CD2AP: variants seen among roughly 807,000 people sequenced by gnomAD.
The protein encoded by CD2AP is CD2 associated protein.
In CD2AP, 46 loss-of-function variants were observed where a neutral mutation model predicts 85.1. The observed-to-expected ratio is 0.54, with a 90% CI of 0.43 to 0.69. The LOEUF (loss-of-function observed/expected upper bound fraction) is 0.69. Among genes scored for constraint, CD2AP ranks in the 30% least tolerant of loss-of-function variants. The pLI, the probability that CD2AP is intolerant of heterozygous loss-of-function variation, is 0.00. For synonymous variants in CD2AP, 255 were observed against 252.9 expected (o/e 1.01, Z -0.08); for missense variants, 769 against 729.5 (o/e 1.05, Z -0.62).
Position 47,608,016 on chromosome 6 carries a change from C to T in CD2AP, c.1620C>T (p.Cys540=), listed in dbSNP as rs1196832213. 2.5e-6 allele frequency: 4 copies of T among 1,610,028 alleles called. No homozygotes were observed. The East Asian group carries it at 8.9e-5, about 36-fold the overall frequency. Residue 540 remains cysteine, a synonymous_variant, in exon 15 of 18, where the codon TGC becomes TGT. Coordinates refer to ENST00000359314, the MANE Select transcript of CD2AP (RefSeq NM_012120.3). ...CATCTGAATTAAAAAAAGATACATG[C>T]TACTCTCCAAAGGTGAGGTGCATTG... ...LKPSELKKDT[C]YSPKPSVYLS... is the part of the protein sequence containing the mutation.
chr6:47,545,361 G>A (rs1161745920), intron 4 of CD2AP, among the ~76,000 whole-genome samples: 1 of 152,156 alleles, frequency 6.6e-6, no homozygotes, highest in African/African-American at 2.4e-5. Flanking sequence ...CACCCAAGGA[G>A]AGTCTGAGAT....
At chr6:47,590,240 A>G (rs984759433) in intron 11 of CD2AP, among the ~76,000 whole-genome samples, 1 of 152,098 alleles carries the variant, frequency 6.6e-6, no homozygotes, top group African/African-American at 2.4e-5. Context: ...AGAAGTAATA[A>G]AAGATGGGGT....
rs190335450 is a variant in CD2AP, at chr6:47,545,542, A to G, written c.420+836A>G. Among the ~76,000 whole-genome samples, 180 of 152,278 alleles carry G rather than the reference A, an allele frequency of 1.2e-3. 2 individuals carry two copies. Among genetic ancestry groups the G allele is most frequent in the African/African-American group, 4.1e-3 (172 of 41,554 alleles). ...AGTGCCATCTCCCAGCAGGAGACCA[A>G]CCAGCACAAAAATAGTGCATTAAAC... On this transcript the variant is annotated intron_variant, in intron 4 of 17. Coordinates refer to ENST00000359314, the MANE Select transcript of CD2AP (RefSeq NM_012120.3).
At chr6:47,517,162 A>G (rs1449810813) in intron 2 of CD2AP, among the ~76,000 whole-genome samples, 2 of 151,970 alleles carry the variant, frequency 1.3e-5, no homozygotes, top group African/African-American at 2.4e-5. Flanking sequence ...TGCTCTCACT[A>G]TGTGATGCGC....
chr6:47,576,977 G>A (rs777410748), intron 7 of CD2AP, 32 bp from the exon 8 acceptor site: 4 of 1,102,712 alleles, frequency 3.6e-6, no homozygotes, highest in Non-Finnish European at 4.2e-6. Context: ...ATCCATTTGT[G>A]TGAGCCACAT....
Position 47,582,037 on chromosome 6 carries a change from A to C in CD2AP, c.1080A>C (p.Lys360Asn), listed in dbSNP as rs777122961. 4.4e-6 allele frequency: 7 copies of C among 1,608,386 alleles called. No homozygotes were observed. Among genetic ancestry groups the C allele is most frequent in the Non-Finnish European group, 6.0e-6 (7 of 1,174,964 alleles). Residue 360 changes from lysine to asparagine, a missense_variant, in exon 11 of 18, where the codon AAA becomes AAC. Transcript: ENST00000359314. ...CTGAACTGATAGCTGCAGAGAAGAA[A>C]TATTTTTCTTTAAAGCCTGAAGAAA... ...PKPELIAAEK[K>N]YFSLKPEEKD...
chr6:47,535,341 A>G (rs537076633), intron 3 of CD2AP, among the ~76,000 whole-genome samples: 7 of 152,318 alleles, frequency 4.6e-5, no homozygotes, highest in African/African-American at 1.7e-4. Flanking sequence ...CTGTAGTACA[A>G]AATATTCTAC....
In CD2AP at chr6:47,607,933, C is replaced by G; in HGVS notation, c.1537C>G (p.His513Asp). 6.2e-7 allele frequency: 1 copy of G among 1,610,914 alleles called. No homozygotes were observed. Among genetic ancestry groups the G allele is most frequent in the Non-Finnish European group, 8.5e-7 (1 of 1,177,788 alleles). ...GRFNGGHSPT[H>D]SPEKILKLPK... is the part of the protein sequence containing the mutation. ...CTTCTAAAAAATCATTTAGCCAACT[C>G]ACAGCCCCGAAAAAATCTTGAAGTT... is the stretch of plus-strand genomic sequence containing the variant. The change falls in exon 15 of 18, where the codon CAC becomes GAC. Residue 513 changes from histidine (H) to aspartate (D), a missense_variant. His to Asp is a moderately conservative substitution (Grantham distance 81). Transcript: ENST00000359314.
At chr6:47,585,435 CAG>C (rs1768599438) in intron 11 of CD2AP, among the ~76,000 whole-genome samples, 2 of 152,090 alleles carry the variant, frequency 1.3e-5, no homozygotes, top group African/African-American at 4.8e-5. Flanking sequence ...ATGTATGAAA[CAG>C]TGGCTTTCAC....
chr6:47,546,550 C>T (rs1381157919), intron 4 of CD2AP, among the ~76,000 whole-genome samples: 8 of 151,038 alleles, frequency 5.3e-5, no homozygotes, highest in Middle Eastern at 3.5e-3. Flanking sequence ...ATTATCATCA[C>T]GTTATAATTG....
intron 13 of CD2AP, among the ~76,000 whole-genome samples, chr6:47,601,774 G>A (rs1769143684): frequency 6.6e-6 from 1 of 151,920 alleles, no homozygotes; most frequent in Non-Finnish European, 1.5e-5. Flanking sequence ...GTTTTAGAAA[G>A]TTGAAAACAT....
rs528905829 is a variant in CD2AP at position 47,481,280 on chromosome 6, A to C, written c.4+3032A>C. Among the ~76,000 whole-genome samples, 19 of 152,288 alleles carry C rather than the reference A, an allele frequency of 1.2e-4. No individual in the cohort carries two copies. The East Asian group carries it at 3.7e-3, about 29-fold the overall frequency. ...TTTAATAATTTTAGATAAGGCGGTG[A>C]ACTTTTTAGTTTATTTTATAGGCTC... On this transcript the variant is annotated intron_variant, in intron 1 of 17. Transcript: ENST00000359314.
intron 2 of CD2AP, among the ~76,000 whole-genome samples, chr6:47,532,219 C>G (rs1766900430): frequency 6.6e-6 from 1 of 151,746 alleles, no homozygotes; most frequent in Non-Finnish European, 1.5e-5. Flanking sequence ...AGGCTCACTA[C>G]CATAATCCCA....
At chr6:47,579,357 G>A (rs773234554) in intron 8 of CD2AP, 28 bp from the exon 9 acceptor site, 1 of 1,123,352 alleles carries the variant, frequency 8.9e-7, no homozygotes, top group Non-Finnish European at 1.3e-6. Flanking sequence ...AAGGTCTATT[G>A]TCTTAATTAT....
intron 2 of CD2AP, among the ~76,000 whole-genome samples, chr6:47,520,418 G>C (rs932990517): frequency 6.6e-6 from 1 of 152,166 alleles, no homozygotes; most frequent in South Asian, 2.1e-4. Flanking sequence ...GACAGTTGTC[G>C]GGAGGGGCTC....
intron 1 of CD2AP, among the ~76,000 whole-genome samples, chr6:47,500,778 G>T (rs1765977759): frequency 6.9e-6 from 1 of 145,814 alleles, no homozygotes; most frequent in African/African-American, 2.6e-5. Context: ...ACGGAGTCCT[G>T]CCCTGTCACC....
chr6:47,596,174 T>C, intron 12 of CD2AP, 148 bp downstream of exon 12: 1 of 667,922 alleles, frequency 1.5e-6, no homozygotes, highest in South Asian at 1.8e-5. Context: ...TTGTGTGTAT[T>C]TATTGTATAC....
At chr6:47,615,797 ATTTAT>A (rs1163688706) in intron 17 of CD2AP, among the ~76,000 whole-genome samples, 2 of 123,812 alleles carry the variant, frequency 1.6e-5, no homozygotes, top group Non-Finnish European at 3.6e-5. Flanking sequence ...AATTTAATTT[ATTTAT>A]TTATTTATTT....
chr6:47,596,202 C>T (rs1422572925), intron 12 of CD2AP, among the ~76,000 whole-genome samples, 176 bp downstream of exon 12: 2 of 151,882 alleles, frequency 1.3e-5, no homozygotes, highest in African/African-American at 2.4e-5. Flanking sequence ...TGTTTTAAAG[C>T]GTATATATAA....
Sources: gnomAD v4.1 joint callset for allele counts (sites outside exome capture counted in the v4.1 genomes callset) on GRCh38, gnomAD v4.1.1 for gene constraint, MANE v1.5 for transcripts, NCBI Gene and HGNC (gene_info 2026-07-23, HGNC 2026-07-21) for gene names.